ADAMTS17: variants seen among roughly 807,000 people sequenced by gnomAD.
ADAMTS17 encodes the protein A disintegrin and metalloproteinase with thrombospondin motifs 17.
Under a neutral mutation model 141.5 loss-of-function variants are expected in ADAMTS17, and 113 were observed. The observed-to-expected ratio is 0.80, with a 90% confidence interval of 0.69 to 0.93. ADAMTS17 has a LOEUF of 0.93. ADAMTS17 is among the 40% of genes least tolerant of loss of function. The pLI, the probability that ADAMTS17 is intolerant of heterozygous loss-of-function variation, is 0.00. For missense variants in ADAMTS17, 1,659 were observed against 1,517.9 expected (o/e 1.09, Z -1.54); for synonymous variants, 768 against 630.6 (o/e 1.22, Z -3.27).
chr15:100,263,993 G>A (rs1403138158), intron 4 of ADAMTS17, among the ~76,000 whole-genome samples: 2 of 152,172 alleles, frequency 1.3e-5, no homozygotes, highest in Non-Finnish European at 2.9e-5. Flanking sequence ...GAGCATCTCC[G>A]TGACAAAGGA....
At chr15:100,205,206 C>T (rs950666870) in intron 7 of ADAMTS17, among the ~76,000 whole-genome samples, 2 of 152,152 alleles carry the variant, frequency 1.3e-5, no homozygotes, top group Admixed American at 1.3e-4. Context: ...CGAGTCCCCA[C>T]AGATGACTCG....
At chr15:100,130,955 T>G (rs945342363) in intron 12 of ADAMTS17, among the ~76,000 whole-genome samples, 2 of 152,032 alleles carry the variant, frequency 1.3e-5, no homozygotes, top group African/African-American at 2.4e-5. Flanking sequence ...AGCAAAGACT[T>G]GGAACCAACC....
intron 10 of ADAMTS17, among the ~76,000 whole-genome samples, chr15:100,142,698 G>C (rs1270480683): frequency 6.6e-6 from 1 of 152,194 alleles, no homozygotes. Context: ...AGCCTGACTA[G>C]AGAGTCCTTC....
intron 7 of ADAMTS17, among the ~76,000 whole-genome samples, chr15:100,208,204 C>T (rs2041653876): frequency 6.6e-6 from 1 of 152,170 alleles, no homozygotes; most frequent in African/African-American, 2.4e-5. Flanking sequence ...GGGAGCACTG[C>T]TGCTGGTTCT....
At chr15:100,125,361 A>C (rs1173796084) in intron 12 of ADAMTS17, among the ~76,000 whole-genome samples, 1 of 152,222 alleles carries the variant, frequency 6.6e-6, no homozygotes, top group Non-Finnish European at 1.5e-5. Flanking sequence ...CATGGAAAGC[A>C]CATAGATGGG....
intron 7 of ADAMTS17, among the ~76,000 whole-genome samples, chr15:100,222,106 G>A (rs2042152259): frequency 6.6e-6 from 1 of 152,194 alleles, no homozygotes; most frequent in Admixed American, 6.5e-5. Context: ...GCAGGAGCGG[G>A]ATCAGCTGCA....
chr15:100,212,057 T>G (rs894334794), intron 7 of ADAMTS17, among the ~76,000 whole-genome samples: 1 of 152,190 alleles, frequency 6.6e-6, no homozygotes, highest in Non-Finnish European at 1.5e-5. Flanking sequence ...GACAGGAATC[T>G]CGGTAGCCTC....
chr15:100,243,946 G>A (rs1192708292), intron 7 of ADAMTS17, among the ~76,000 whole-genome samples: 1 of 152,048 alleles, frequency 6.6e-6, no homozygotes, highest in African/African-American at 2.4e-5. Context: ...ACAGAGCAGG[G>A]GATATTAGGT....
intron 20 of ADAMTS17, chr15:99,976,693 TCCA>T (rs1309167203): frequency 6.4e-5 from 16 of 250,434 alleles, no homozygotes; most frequent in African/African-American, 3.6e-4. Context: ...TTGCTGGCTC[TCCA>T]CCGTGAGAGG....
chr15:100,103,413 T>A (rs1451594062), intron 14 of ADAMTS17, among the ~76,000 whole-genome samples: 1 of 152,156 alleles, frequency 6.6e-6, no homozygotes, highest in African/African-American at 2.4e-5. Flanking sequence ...CTTTGAATTC[T>A]CCTAAACTTC....
chr15:100,186,217 T>G (rs2040711680), intron 8 of ADAMTS17, among the ~76,000 whole-genome samples: 1 of 152,202 alleles, frequency 6.6e-6, no homozygotes, highest in African/African-American at 2.4e-5. Context: ...TGTACATTAG[T>G]TGATCTGAGA....
chr15:100,106,823 G>A (rs571797103), intron 14 of ADAMTS17, among the ~76,000 whole-genome samples: 3 of 152,274 alleles, frequency 2.0e-5, no homozygotes, highest in Non-Finnish European at 2.9e-5. Flanking sequence ...AAGAACCATC[G>A]GCGATGCCTC....
chr15:100,254,269 C>T lies in ADAMTS17; in HGVS notation c.1032-90G>A, dbSNP rs80342915. 165,903 of 1,202,452 alleles carry T rather than the reference C, an allele frequency of 0.14. 13,283 individuals carry two copies. Among genetic ancestry groups the T allele is most frequent in the Non-Finnish European group, 0.16 (130,557 of 816,872 alleles). 74.5% of individuals were successfully genotyped at this position (1,202,452 alleles called of 1,614,324 possible). A position where few individuals can be genotyped will look rare whatever the true frequency, so the allele number is the denominator to read the frequency against. On this transcript the variant is annotated intron_variant, in intron 6 of 21. Transcript: ENST00000268070. Reference sequence around the variant, plus strand: ...TGTGAATTAACCTCAAGTAGTCATCCTGCAATGTTATTTTTCCAGTGGACA... The same window carrying T: ...TGTGAATTAACCTCAAGTAGTCATCTTGCAATGTTATTTTTCCAGTGGACA...
intron 20 of ADAMTS17, among the ~76,000 whole-genome samples, chr15:99,981,471 C>G (rs1157151139): frequency 6.6e-6 from 1 of 152,188 alleles, no homozygotes; most frequent in Non-Finnish European, 1.5e-5. Context: ...TCCTAGTGGG[C>G]ACTGTTCACA....
At chr15:100,206,643 G>T (rs1422129046) in intron 7 of ADAMTS17, among the ~76,000 whole-genome samples, 2 of 152,188 alleles carry the variant, frequency 1.3e-5, no homozygotes, top group East Asian at 1.9e-4. Context: ...TTAGGTGGGG[G>T]TGAGGCTGAG....
rs182646870 is a variant in ADAMTS17, at chr15:100,019,456, C to T, written c.2592-21867G>A. Among the ~76,000 whole-genome samples, 229 of 152,204 alleles carry T rather than the reference C, an allele frequency of 1.5e-3. 7 individuals carry two copies. The highest frequency in any genetic ancestry group is 0.013 in the Admixed American group (205 of 15,300). On this transcript the variant is annotated intron_variant, in intron 18 of 21. Coordinates refer to ENST00000268070, the MANE Select transcript of ADAMTS17 (RefSeq NM_139057.4). ...TAGTTAATCTCGGTACTTTTCTGTACCATGAAAATTTTTATAAGAAAAATA... is the reference window on the plus strand; with the variant it reads ...TAGTTAATCTCGGTACTTTTCTGTATCATGAAAATTTTTATAAGAAAAATA...
At chr15:100,150,563 T>C (rs2039113406) in intron 10 of ADAMTS17, among the ~76,000 whole-genome samples, 2 of 152,196 alleles carry the variant, frequency 1.3e-5, no homozygotes, top group Admixed American at 6.5e-5. Flanking sequence ...GAGTCCCCAG[T>C]ACAAGTGCCT....
Position 100,197,365 on chromosome 15 carries a change from G to A in ADAMTS17, c.1181+1953C>T, listed in dbSNP as rs551870484. Among the ~76,000 whole-genome samples the A allele has an allele frequency of 1.4e-3, 212 of 152,280 alleles. 1 individual carries two copies. In the South Asian group the frequency reaches 0.019, roughly 13 times the overall value. On this transcript the variant is annotated intron_variant, in intron 8 of 21. Transcript: ENST00000268070. Reference sequence around the variant, plus strand: ...GTGTTGGTAAGTACTCTGACATCCTGCATTCTCATAATCATTAGGTAATTG... The same window carrying A: ...GTGTTGGTAAGTACTCTGACATCCTACATTCTCATAATCATTAGGTAATTG...
intron 15 of ADAMTS17, among the ~76,000 whole-genome samples, chr15:100,076,298 C>T (rs2034372914): frequency 2.0e-5 from 3 of 152,178 alleles, no homozygotes; most frequent in Admixed American, 2.0e-4. Context: ...CTGCCCCGGC[C>T]TCCCAAAGTG....
Sources: allele counts gnomAD v4.1 joint callset (sites outside exome capture counted in the v4.1 genomes callset), GRCh38; gene constraint gnomAD v4.1.1; transcripts MANE v1.5; gene names NCBI Gene and HGNC (gene_info 2026-07-23, HGNC 2026-07-21).